The following FBXW7 variants were observed in gnomAD, a reference collection of about 807,000 sequenced individuals.
The protein encoded by FBXW7 is F-box/WD repeat-containing protein 7.
In FBXW7, 11 loss-of-function variants were observed where a neutral mutation model predicts 86.3. That is an observed-to-expected ratio of 0.13 (90% CI 0.08 to 0.21). FBXW7 has a LOEUF of 0.21. FBXW7 is among the 10% of genes least tolerant of loss of function. The pLI is 1.00. For synonymous variants in FBXW7, 313 were observed against 297.9 expected (o/e 1.05, Z -0.52); for missense variants, 488 against 847.4 (o/e 0.58, Z 5.27).
At chr4:152,353,040 T>C in intron 4 of FBXW7, 1 of 1,165,342 alleles carries the variant, frequency 8.6e-7, no homozygotes, top group Non-Finnish European at 1.1e-6. Context: ...TTTCAAACTT[T>C]CAAGAGGTTA....
In FBXW7 at chr4:152,535,444, TTC is replaced by T. The variant is rs1198515296; in HGVS notation, c.-532_-531del. On this transcript the variant is annotated 5_prime_UTR_variant, in exon 1 of 14. An upstream open reading frame in the 5' UTR loses its in-frame stop. Transcript: ENST00000281708. ...GGAAAGGACGGCGGCGTCGGTCCTG[TTC>T]TCTCCGCCGCCCCAGCCGCCGCTTC... The T allele has an allele frequency of 2.6e-6, 1 of 387,286 alleles. No individual in the cohort carries two copies. The highest frequency in any genetic ancestry group is 4.6e-6 in the Non-Finnish European group (1 of 219,294). 24.0% of individuals were successfully genotyped at this position (387,286 alleles called of 1,614,324 possible). A position where few individuals can be genotyped will look rare whatever the true frequency, so the allele number is the denominator to read the frequency against.
At chr4:152,326,309 G>A in intron 11 of FBXW7, 78 bp from the exon 12 acceptor site, 1 of 1,063,042 alleles carries the variant, frequency 9.4e-7, no homozygotes. Context: ...GAGAAAACAT[G>A]GTAGATTTAG....
At chr4:152,502,220 T>C (rs1413882630) in intron 2 of FBXW7, among the ~76,000 whole-genome samples, 1 of 152,210 alleles carries the variant, frequency 6.6e-6, no homozygotes, top group Non-Finnish European at 1.5e-5. Flanking sequence ...TTTATTTAGT[T>C]GTACTTAATT....
intron 4 of FBXW7, among the ~76,000 whole-genome samples, chr4:152,397,921 T>C (rs1736564831): frequency 6.6e-6 from 1 of 151,950 alleles, no homozygotes; most frequent in Non-Finnish European, 1.5e-5. Context: ...CTATTCTTTT[T>C]ACACGTATAT....
At chr4:152,477,134 C>T (rs1744483901) in intron 2 of FBXW7, among the ~76,000 whole-genome samples, 1 of 151,944 alleles carries the variant, frequency 6.6e-6, no homozygotes, top group Non-Finnish European at 1.5e-5. Context: ...AACTCCAACT[C>T]AGGAGTCTCA....
At chr4:152,412,096 C>A (rs1045440896) in intron 3 of FBXW7, among the ~76,000 whole-genome samples, 7 of 152,198 alleles carry the variant, frequency 4.6e-5, no homozygotes, top group South Asian at 2.1e-4. Context: ...CAACACTAAT[C>A]CCTTTTAATA....
At chr4:152,370,378 A>T (rs954167297) in intron 4 of FBXW7, among the ~76,000 whole-genome samples, 1 of 151,936 alleles carries the variant, frequency 6.6e-6, no homozygotes, top group Non-Finnish European at 1.5e-5. Context: ...ATCATAAACA[A>T]ATGGCTAATT....
chr4:152,460,155 T>A (rs1164387393), intron 2 of FBXW7, among the ~76,000 whole-genome samples: 1 of 152,220 alleles, frequency 6.6e-6, no homozygotes, highest in Non-Finnish European at 1.5e-5. Flanking sequence ...ACCACATTTT[T>A]AAGTTTTTTA....
chr4:152,332,153 C>A (rs1429333050), intron 8 of FBXW7, among the ~76,000 whole-genome samples: 1 of 151,878 alleles, frequency 6.6e-6, no homozygotes, highest in Non-Finnish European at 1.5e-5. Context: ...TACTCCTCTA[C>A]TAAGGAAAAA....
At chr4:152,405,929 T>C (rs1256491531) in intron 4 of FBXW7, among the ~76,000 whole-genome samples, 1 of 152,212 alleles carries the variant, frequency 6.6e-6, no homozygotes, top group African/African-American at 2.4e-5. Flanking sequence ...CAGATGATGA[T>C]GCCCAACAGA....
chr4:152,367,645 T>C (rs932078448), intron 4 of FBXW7, among the ~76,000 whole-genome samples: 13 of 152,154 alleles, frequency 8.5e-5, no homozygotes, highest in Non-Finnish European at 1.6e-4. Context: ...CTTCTAACTT[T>C]GTATGCAGAT....
intron 2 of FBXW7, among the ~76,000 whole-genome samples, chr4:152,423,956 G>C (rs1275653772): frequency 6.6e-6 from 1 of 152,100 alleles, no homozygotes; most frequent in Non-Finnish European, 1.5e-5. Flanking sequence ...AGGTCAAAAA[G>C]TGAACAATTA....
rs1737961643 is a variant in FBXW7 at position 152,411,471 on chromosome 4, CTCCTCATCT to C, written c.324_332del (p.Asp112_Glu114del). 6.2e-7 allele frequency: 1 copy of C among 1,613,422 alleles called. No homozygotes were observed. The highest frequency in any genetic ancestry group is 1.3e-5 in the African/African-American group (1 of 74,880). ...GGTCCATCTCCTCCTCCTCCTCATC[CTCCTCATCT>C]TGTTCACCAGCATGTTCTTCATCTT... On this transcript the variant is annotated inframe_deletion, in exon 4 of 14. Transcript: ENST00000281708.
intron 7 of FBXW7, among the ~76,000 whole-genome samples, chr4:152,334,292 CAT>C (rs1456941278): frequency 6.6e-6 from 1 of 152,114 alleles, no homozygotes; most frequent in East Asian, 1.9e-4. Flanking sequence ...AATACTCACA[CAT>C]ATATAGTCTC....
chr4:152,375,592 T>G (rs1179115693), intron 4 of FBXW7, among the ~76,000 whole-genome samples: 1 of 152,082 alleles, frequency 6.6e-6, no homozygotes, highest in Non-Finnish European at 1.5e-5. Context: ...TTATGAGGCC[T>G]TAAGTAAAAA....
chr4:152,507,511 A>G (rs1747537699), intron 2 of FBXW7, among the ~76,000 whole-genome samples: 13 of 152,264 alleles, frequency 8.5e-5, no homozygotes, highest in Admixed American at 7.8e-4. Flanking sequence ...ACAGTCTGCT[A>G]CAAAAAGAAT....
chr4:152,380,877 T>C (rs1735004908), intron 4 of FBXW7, among the ~76,000 whole-genome samples: 1 of 152,022 alleles, frequency 6.6e-6, no homozygotes, highest in African/African-American at 2.4e-5. Context: ...GATAATAAAT[T>C]AGTTTATTAG....
intron 4 of FBXW7, among the ~76,000 whole-genome samples, chr4:152,376,341 G>A (rs565719088): frequency 6.6e-6 from 1 of 151,998 alleles, no homozygotes; most frequent in Non-Finnish European, 1.5e-5. Context: ...TTTTGGGTAT[G>A]TATAAAATCT....
intron 2 of FBXW7, among the ~76,000 whole-genome samples, chr4:152,511,741 A>C (rs1747997203): frequency 6.6e-6 from 1 of 152,188 alleles, no homozygotes; most frequent in South Asian, 2.1e-4. Flanking sequence ...AAGACCTCTA[A>C]GATCTACTGT....
Sources: allele counts gnomAD v4.1 joint callset (sites outside exome capture counted in the v4.1 genomes callset), GRCh38; gene constraint gnomAD v4.1.1; transcripts MANE v1.5; gene names NCBI Gene and HGNC (gene_info 2026-07-23, HGNC 2026-07-21).